SGCD: variants seen among roughly 807,000 people sequenced by gnomAD.
SGCD encodes sarcoglycan delta.
A neutral mutation model predicts 36.6 loss-of-function variants in SGCD; 18 were observed. That is an observed-to-expected ratio of 0.49 (90% CI 0.34 to 0.73). SGCD has a LOEUF of 0.73. SGCD is among the 30% of genes least tolerant of loss of function. SGCD has a pLI of 0.01. For missense variants in SGCD, 387 were observed against 346.7 expected (o/e 1.12, Z -0.92); for synonymous variants, 133 against 130.6 (o/e 1.02, Z -0.12).
At chr5:156,095,001 A>G (rs1243755083) in intron 1 of SGCD, among the ~76,000 whole-genome samples, 1 of 152,096 alleles carries the variant, frequency 6.6e-6, no homozygotes. Flanking sequence ...TCAAAAAAAA[A>G]AGAAAGAAAG....
intron 3 of SGCD, among the ~76,000 whole-genome samples, chr5:156,216,589 C>G (rs1048783697): frequency 9.9e-5 from 15 of 152,164 alleles, no homozygotes; most frequent in African/African-American, 3.4e-4. Context: ...TCCTGCATAG[C>G]ACCTTTTAAA....
intron 3 of SGCD, among the ~76,000 whole-genome samples, chr5:156,411,886 A>G (rs1486967259): frequency 7.6e-6 from 1 of 131,088 alleles, no homozygotes; most frequent in East Asian, 2.3e-4. Context: ...TGGAAACTTG[A>G]TAAAATACAC....
the SGCD span, among the ~76,000 whole-genome samples, chr5:155,842,398 C>A: frequency 6.6e-6 from 1 of 151,890 alleles, no homozygotes; most frequent in Non-Finnish European, 1.5e-5. Context: ...CATGGTGAAA[C>A]CCTGTCTCTA....
At chr5:156,313,888 G>A (rs192424836) in intron 3 of SGCD, among the ~76,000 whole-genome samples, 32 of 152,096 alleles carry the variant, frequency 2.1e-4, no homozygotes, top group African/African-American at 7.5e-4. Flanking sequence ...TTAGCTTCCT[G>A]AAAATATGCA....
intron 7 of SGCD, among the ~76,000 whole-genome samples, chr5:156,657,577 C>T (rs567938891): frequency 1.8e-4 from 27 of 151,526 alleles, no homozygotes; most frequent in African/African-American, 6.1e-4. Flanking sequence ...AGCCTGGCCA[C>T]CATGGTGAAA....
chr5:156,169,486 T>G (rs1265097234), intron 3 of SGCD, among the ~76,000 whole-genome samples: 1 of 152,204 alleles, frequency 6.6e-6, no homozygotes, highest in Non-Finnish European at 1.5e-5. Context: ...AATGCCTATC[T>G]CAAAGGGTTT....
intron 1 of SGCD, among the ~76,000 whole-genome samples, chr5:155,971,422 A>G (rs1461378805): frequency 2.0e-5 from 3 of 152,092 alleles, no homozygotes; most frequent in Non-Finnish European, 4.4e-5. Context: ...AGTACCACCT[A>G]GGAGGTTACA....
chr5:155,885,964 A>T (rs1755988486), intron 1 of SGCD, among the ~76,000 whole-genome samples: 1 of 152,208 alleles, frequency 6.6e-6, no homozygotes, highest in Admixed American at 6.5e-5. Context: ...ACACTTCAAA[A>T]CATAAAAGGT....
intron 1 of SGCD, among the ~76,000 whole-genome samples, chr5:156,014,597 G>C (rs2127571645): frequency 6.6e-6 from 1 of 152,152 alleles, no homozygotes. Context: ...TCAACCTCAG[G>C]AAACGTCGTA....
chr5:156,679,590 T>G lies in SGCD; in HGVS notation c.575+32054T>G, dbSNP rs192979199. Among the ~76,000 whole-genome samples the G allele has an allele frequency of 3.9e-5, 6 of 152,266 alleles. No homozygotes were observed. In the East Asian group the frequency reaches 1.2e-3, roughly 29 times the overall value. ...ATTGGGCAGGATTTGGAACTCAGCA[T>G]TTTTCATTTAATTTCCACCAAAAAG... On this transcript the variant is annotated intron_variant, in intron 7 of 8. Coordinates refer to ENST00000337851, the MANE Select transcript of SGCD (RefSeq NM_000337.6).
At chr5:156,241,533 G>C (rs1246963695) in intron 3 of SGCD, among the ~76,000 whole-genome samples, 1 of 152,120 alleles carries the variant, frequency 6.6e-6, no homozygotes, top group Admixed American at 6.5e-5. Context: ...AGCTAGGATA[G>C]GACATGTGAT....
At chr5:156,495,138 G>A (rs1581075385) in intron 3 of SGCD, among the ~76,000 whole-genome samples, 1 of 152,216 alleles carries the variant, frequency 6.6e-6, no homozygotes, top group South Asian at 2.1e-4. Flanking sequence ...ATGAAATATG[G>A]GAAGGATATT....
chr5:156,605,091 G>C (rs931283267), intron 6 of SGCD, among the ~76,000 whole-genome samples: 14 of 151,944 alleles, frequency 9.2e-5, no homozygotes, highest in African/African-American at 3.4e-4. Context: ...GGGTACATGT[G>C]CACAACGTGC....
At chr5:156,620,812 G>T (rs1181745171) in intron 6 of SGCD, among the ~76,000 whole-genome samples, 1 of 152,200 alleles carries the variant, frequency 6.6e-6, no homozygotes, top group Admixed American at 6.5e-5. Context: ...CTTTCCCAAA[G>T]ACTGAATTAA....
At position 156,079,776 on chromosome 5, in the gene SGCD, TC is replaced by T. The variant is rs200445839; in HGVS notation, c.-281-38100del. ...ACCTATGCCTTTACATATTTTAGCTTCCACAGCTGCTCTCACAGATTGTTGA... is the reference window on the plus strand; with the variant it reads ...ACCTATGCCTTTACATATTTTAGCTTCACAGCTGCTCTCACAGATTGTTGA... On this transcript the variant is annotated intron_variant, in intron 1 of 9. Transcript: ENST00000517913. Among the ~76,000 whole-genome samples the T allele has an allele frequency of 8.7e-3, 1,322 of 152,294 alleles. 6 individuals are homozygous for T. The highest frequency in any genetic ancestry group is 0.015 in the Non-Finnish European group (1,038 of 68,012).
chr5:155,731,171 A>G, the SGCD span, among the ~76,000 whole-genome samples: 7,072 of 152,146 alleles, frequency 0.046, 517 homozygotes, highest in African/African-American at 0.16. Flanking sequence ...AGAGGCAGAG[A>G]CACACAGAGA....
At chr5:156,047,144 G>A (rs1433968928) in intron 1 of SGCD, among the ~76,000 whole-genome samples, 1 of 152,116 alleles carries the variant, frequency 6.6e-6, no homozygotes, top group East Asian at 1.9e-4. Context: ...TGAGAGAGAT[G>A]AGGAAGCTGC....
intron 3 of SGCD, among the ~76,000 whole-genome samples, chr5:156,348,651 C>G (rs1265869402): frequency 6.6e-6 from 1 of 152,116 alleles, no homozygotes; most frequent in East Asian, 1.9e-4. Context: ...TTGAATGACT[C>G]ATTATCATGA....
intron 7 of SGCD, among the ~76,000 whole-genome samples, chr5:156,733,976 G>A (rs1756217214): frequency 6.6e-6 from 1 of 151,990 alleles, no homozygotes; most frequent in Non-Finnish European, 1.5e-5. Flanking sequence ...ATCTTAGCGG[G>A]TTATTTTGGA....
Sources: allele counts gnomAD v4.1 joint callset (sites outside exome capture counted in the v4.1 genomes callset), GRCh38; gene constraint gnomAD v4.1.1; transcripts MANE v1.5; gene names NCBI Gene and HGNC (gene_info 2026-07-23, HGNC 2026-07-21).